The following COL15A1 variants were observed in gnomAD, a reference collection of about 807,000 sequenced individuals.
COL15A1 encodes the protein collagen alpha-1(XV) chain.
COL15A1 carries 111 observed loss-of-function variants against 165.9 expected under a neutral mutation model. The observed-to-expected ratio is 0.67, with a 90% confidence interval of 0.57 to 0.78. COL15A1 has a LOEUF of 0.78. Among genes scored for constraint, COL15A1 ranks in the 30% least tolerant of loss-of-function variants. The pLI, the probability that COL15A1 is intolerant of heterozygous loss-of-function variation, is 0.00. For missense variants in COL15A1, 1,745 were observed against 1,789.7 expected (o/e 0.98, Z 0.45); for synonymous variants, 659 against 674.8 (o/e 0.98, Z 0.36).
chr9:98,964,874 C>T (rs142095377), intron 2 of COL15A1, among the ~76,000 whole-genome samples: 229 of 152,276 alleles, frequency 1.5e-3, no homozygotes, highest in African/African-American at 5.1e-3. Flanking sequence ...TCTTCATCAG[C>T]GCCTTGGCCA....
chr9:99,021,097 T>C (rs78174477), intron 12 of COL15A1, among the ~76,000 whole-genome samples: 16,275 of 152,250 alleles, frequency 0.11, 1,086 homozygotes, highest in East Asian at 0.32. Flanking sequence ...AGTCAAGAGA[T>C]CCTGCCCAGG....
rs1825823429 is a variant in COL15A1, at chr9:99,062,019, G to A, written c.3451G>A (p.Val1151Ile). ...TGACATGCTGCAGAAAGCGCATTTG[G>A]TTATAGAAGGAACATTCATCTACCT... is the stretch of plus-strand genomic sequence containing the variant. ...MDDMLQKAHLVIEGTFIYLRD... is the reference protein window; with the variant it reads ...MDDMLQKAHLIIEGTFIYLRD... Residue 1151 changes from valine to isoleucine, a missense_variant, in exon 37 of 42, where the codon GTT becomes ATT. Val to Ile is a conservative substitution (Grantham distance 29). Coordinates refer to ENST00000375001, the MANE Select transcript of COL15A1 (RefSeq NM_001855.5). The A allele has an allele frequency of 6.2e-7, 1 of 1,613,926 alleles. No homozygotes were observed. Among genetic ancestry groups the A allele is most frequent in the Non-Finnish European group, 8.5e-7 (1 of 1,179,998 alleles).
chr9:98,971,527 G>C (rs757950667), intron 2 of COL15A1, among the ~76,000 whole-genome samples: 1 of 151,928 alleles, frequency 6.6e-6, no homozygotes, highest in Non-Finnish European at 1.5e-5. Flanking sequence ...ACGCCTGCCC[G>C]CACCTGCTGG....
intron 11 of COL15A1, 90 bp from the exon 12 acceptor site, chr9:99,020,299 T>C: frequency 1.1e-6 from 1 of 944,986 alleles, no homozygotes; most frequent in African/African-American, 1.6e-5. Context: ...CCCAGCTCAC[T>C]GACCAGGACC....
chr9:99,024,277 G>GTTT (rs773196929), intron 14 of COL15A1, among the ~76,000 whole-genome samples: 1,456 of 108,358 alleles, frequency 0.013, 89 homozygotes, highest in African/African-American at 0.028. Flanking sequence ...AGTTTTTTTT[G>GTTT]TTTTTTTGTT....
chr9:98,987,186 C>A, intron 3 of COL15A1, 108 bp from the exon 4 acceptor site: 1 of 1,064,724 alleles, frequency 9.4e-7, no homozygotes. Context: ...CATCCTCATT[C>A]CCACGCTTTT....
chr9:99,015,862 G>A (rs891896105), intron 10 of COL15A1, 114 bp from the exon 11 acceptor site: 14 of 1,279,702 alleles, frequency 1.1e-5, no homozygotes, highest in South Asian at 6.5e-5. Context: ...AACGATGATC[G>A]TAGGTAAGAA....
At chr9:98,985,471 G>A (rs1564028362) in intron 2 of COL15A1, 94 bp from the exon 3 acceptor site, 1 of 1,229,492 alleles carries the variant, frequency 8.1e-7, no homozygotes, top group East Asian at 2.5e-5. Context: ...GGGTTCCTGA[G>A]TGATCCCGTT....
At chr9:99,023,235 C>A in intron 13 of COL15A1, 122 bp from the exon 14 acceptor site, 2 of 1,238,030 alleles carry the variant, frequency 1.6e-6, no homozygotes, top group South Asian at 1.8e-5. Context: ...AAACGGGGAG[C>A]AGAAGTTATC....
At chr9:99,062,727 T>A (rs1324078132) in intron 38 of COL15A1, among the ~76,000 whole-genome samples, 1 of 152,226 alleles carries the variant, frequency 6.6e-6, no homozygotes, top group Non-Finnish European at 1.5e-5. Flanking sequence ...ATCCCCGTTT[T>A]GCAGATTATG....
At chr9:99,042,023 A>G (rs746243836) in intron 23 of COL15A1, 22 bp from the exon 24 acceptor site, 1 of 1,528,446 alleles carries the variant, frequency 6.5e-7, no homozygotes. Context: ...ACAACCAAAT[A>G]CTATATAACA....
intron 15 of COL15A1, 63 bp from the exon 16 acceptor site, chr9:99,025,841 C>G (rs1476079110): frequency 6.5e-7 from 1 of 1,548,568 alleles, no homozygotes; most frequent in East Asian, 2.3e-5. Context: ...CCTTTTCTAG[C>G]AAGCGTGTGT....
intron 39 of COL15A1, among the ~76,000 whole-genome samples, chr9:99,066,599 G>GTTTTTTTTTTTTTTT (rs67961829): frequency 4.2e-5 from 3 of 71,082 alleles, no homozygotes; most frequent in Admixed American, 1.6e-4. Flanking sequence ...ATTTTGTTCT[G>GTTTTTTTTTTTTTTT]TTTTTTTTTT....
Position 99,036,527 on chromosome 9 carries a change from CCACCTGCCAG to C in COL15A1, c.2409+137_2409+146del, listed in dbSNP as rs1460122658. 2.9e-5 allele frequency: 24 copies of C among 839,312 alleles called. No individual in the cohort carries two copies. In the South Asian group the frequency reaches 4.0e-4, roughly 14 times the overall value. The allele number at this position is 839,312 out of a possible 1,614,324, so 52.0% of individuals were successfully genotyped here. A position where few individuals can be genotyped will look rare whatever the true frequency, so the allele number is the denominator to read the frequency against. ...TAGCCAGTGCCTGGTGTTAGAACTT[CCACCTGCCAG>C]CACCTACCTGTTCCTCCCCCAGTTC... On this transcript the variant is annotated intron_variant, in intron 21 of 41. Coordinates refer to ENST00000375001, the MANE Select transcript of COL15A1 (RefSeq NM_001855.5).
chr9:98,955,705 A>G (rs1837765692), intron 2 of COL15A1, among the ~76,000 whole-genome samples: 1 of 152,272 alleles, frequency 6.6e-6, no homozygotes, highest in South Asian at 2.1e-4. Context: ...TTTCTGGCAT[A>G]GGAAAGTTAC....
chr9:99,031,753 C>G (rs1463736776), intron 16 of COL15A1, among the ~76,000 whole-genome samples: 1 of 152,162 alleles, frequency 6.6e-6, no homozygotes, highest in Non-Finnish European at 1.5e-5. Context: ...AACTCTACTT[C>G]AAGCATTTAT....
intron 14 of COL15A1, among the ~76,000 whole-genome samples, chr9:99,024,138 G>T (rs1387195241): frequency 1.3e-5 from 2 of 152,130 alleles, no homozygotes; most frequent in African/African-American, 4.8e-5. Context: ...AAGGGTTCTG[G>T]ACTCCGTGGT....
rs750276090 is a variant in COL15A1 at position 99,041,998 on chromosome 9, T to C, written c.2512-47T>C. On this transcript the variant is annotated intron_variant, in intron 23 of 41. Coordinates refer to ENST00000375001, the MANE Select transcript of COL15A1 (RefSeq NM_001855.5). ...AATATATTTCTGATTGGTTTATGCATTTTAATCTTAACGAACAACCAAATA... is the reference window on the plus strand; with the variant it reads ...AATATATTTCTGATTGGTTTATGCACTTTAATCTTAACGAACAACCAAATA... 13 of 1,275,968 alleles carry C rather than the reference T, an allele frequency of 1.0e-5. No individual in the cohort carries two copies. In the East Asian group the frequency reaches 2.6e-4, roughly 25 times the overall value. The allele number at this position is 1,275,968 out of a possible 1,614,324, so 79.0% of individuals were successfully genotyped here.
intron 35 of COL15A1, 87 bp downstream of exon 35, chr9:99,056,491 A>C: frequency 1.3e-6 from 2 of 1,490,572 alleles, no homozygotes; most frequent in Non-Finnish European, 1.8e-6. Flanking sequence ...TCACAGCTGC[A>C]CTGCCTAACA....
Sources: gnomAD v4.1 joint callset for allele counts (sites outside exome capture counted in the v4.1 genomes callset) on GRCh38, gnomAD v4.1.1 for gene constraint, MANE v1.5 for transcripts, NCBI Gene and HGNC (gene_info 2026-07-23, HGNC 2026-07-21) for gene names.